GRIK2: variants seen among roughly 807,000 people sequenced by gnomAD.
GRIK2 encodes glutamate ionotropic receptor kainate type subunit 2.
In GRIK2, 32 loss-of-function variants were observed where a neutral mutation model predicts 100.3. The ratio of observed to expected loss-of-function variants is 0.32; its 90% CI spans 0.24 to 0.43. The LOEUF (loss-of-function observed/expected upper bound fraction) is 0.43, where lower values mean the gene tolerates loss of function less well. Among genes scored for constraint, GRIK2 ranks in the 20% least tolerant of loss-of-function variants. The pLI is 1.00. For synonymous variants in GRIK2, 417 were observed against 389.4 expected (o/e 1.07, Z -0.83); for missense variants, 843 against 1,114.9 (o/e 0.76, Z 3.47).
At chr6:101,450,615 A>G (rs1241999698) in intron 2 of GRIK2, among the ~76,000 whole-genome samples, 1 of 151,682 alleles carries the variant, frequency 6.6e-6, no homozygotes. Flanking sequence ...TGAGTGTGGC[A>G]GTAACTACTC....
At chr6:101,413,052 C>T (rs1291528162) in intron 2 of GRIK2, among the ~76,000 whole-genome samples, 1 of 151,948 alleles carries the variant, frequency 6.6e-6, no homozygotes, top group African/African-American at 2.4e-5. Context: ...ATTTAAAATA[C>T]AAAACTAGGA....
intron 4 of GRIK2, among the ~76,000 whole-genome samples, chr6:101,634,114 G>A (rs1780895623): frequency 6.6e-6 from 1 of 152,056 alleles, no homozygotes; most frequent in African/African-American, 2.4e-5. Flanking sequence ...GATATGGAGA[G>A]CAATAGGGCA....
chr6:102,057,732 A>T (rs1771533732), intron 16 of GRIK2, among the ~76,000 whole-genome samples: 1 of 151,826 alleles, frequency 6.6e-6, no homozygotes, highest in African/African-American at 2.4e-5. Flanking sequence ...CTGTAGCTTT[A>T]TCTTTTGCTC....
chr6:101,947,174 G>A (rs1791332331), intron 14 of GRIK2, among the ~76,000 whole-genome samples: 2 of 152,140 alleles, frequency 1.3e-5, no homozygotes, highest in Non-Finnish European at 2.9e-5. Context: ...GAATGAAATT[G>A]TCTTGATCAC....
At chr6:101,830,405 C>G (rs1174296844) in intron 10 of GRIK2, among the ~76,000 whole-genome samples, 1 of 151,674 alleles carries the variant, frequency 6.6e-6, no homozygotes, top group East Asian at 1.9e-4. Context: ...GCAGCAAAAC[C>G]AAAAATTGAC....
At chr6:101,599,675 T>G (rs1212263475) in intron 2 of GRIK2, among the ~76,000 whole-genome samples, 1 of 151,886 alleles carries the variant, frequency 6.6e-6, no homozygotes, top group Non-Finnish European at 1.5e-5. Flanking sequence ...TTGAGCTTTT[T>G]TTCATATGCT....
intron 7 of GRIK2, among the ~76,000 whole-genome samples, chr6:101,716,513 T>C (rs1275897371): frequency 2.0e-5 from 3 of 149,152 alleles, no homozygotes; most frequent in African/African-American, 7.4e-5. Context: ...TAGTTTCTTA[T>C]GGACTCCACT....
chr6:101,652,030 T>C (rs1404419791), intron 4 of GRIK2, among the ~76,000 whole-genome samples: 1 of 152,136 alleles, frequency 6.6e-6, no homozygotes, highest in Non-Finnish European at 1.5e-5. Context: ...GTCATGTAAA[T>C]GAAGGCTGAA....
At position 102,036,882 on chromosome 6, in the gene GRIK2, A is replaced by G. The variant is rs1770300136; in HGVS notation, c.2311+1316A>G. Among the ~76,000 whole-genome samples, 4 of 151,342 alleles carry G rather than the reference A, an allele frequency of 2.6e-5. No homozygotes were observed. The South Asian group carries it at 8.3e-4, about 31-fold the overall frequency. ...TTAATTACATCAATGTACTTTTTGA[A>G]AGAAAAGGGAAAACATATTCATGAT... is the stretch of plus-strand genomic sequence containing the variant. On this transcript the variant is annotated intron_variant, in intron 15 of 16. Transcript: ENST00000369134.
At chr6:101,853,232 C>T (rs1184312242) in intron 10 of GRIK2, among the ~76,000 whole-genome samples, 1 of 152,098 alleles carries the variant, frequency 6.6e-6, no homozygotes, top group Non-Finnish European at 1.5e-5. Context: ...TGTTCTTTAC[C>T]TCTTCTTAGC....
rs751369929 is a variant in GRIK2, at chr6:101,990,947, A to G, written c.2086-44394A>G. Among the ~76,000 whole-genome samples the G allele has an allele frequency of 3.3e-5, 5 of 152,068 alleles. No individual in the cohort carries two copies. In the South Asian group the frequency reaches 8.3e-4, roughly 25 times the overall value. On this transcript the variant is annotated intron_variant, in intron 14 of 16. Coordinates refer to ENST00000369134, the MANE Select transcript of GRIK2 (RefSeq NM_021956.5). Reference sequence around the variant, plus strand: ...GCATACTAAATGCCTTATTACAAGTAAATAATAAATTACATCAATAAATAT... The same window carrying G: ...GCATACTAAATGCCTTATTACAAGTGAATAATAAATTACATCAATAAATAT...
intron 2 of GRIK2, among the ~76,000 whole-genome samples, chr6:101,453,366 T>C (rs994950754): frequency 3.9e-5 from 6 of 151,954 alleles, no homozygotes; most frequent in Non-Finnish European, 5.9e-5. Context: ...TTAAATGAGT[T>C]TGGAATTGCC....
chr6:101,927,920 A>G (rs1582553532), intron 13 of GRIK2: 1 of 157,496 alleles, frequency 6.3e-6, no homozygotes, highest in Admixed American at 6.1e-5. Context: ...TTTTATTATT[A>G]TACGTAACTT....
chr6:101,999,141 G>A (rs759887812), intron 14 of GRIK2, among the ~76,000 whole-genome samples: 3 of 151,812 alleles, frequency 2.0e-5, no homozygotes, highest in Non-Finnish European at 4.4e-5. Flanking sequence ...GTTGACTGTA[G>A]GTTTGTAATA....
intron 2 of GRIK2, among the ~76,000 whole-genome samples, chr6:101,557,494 A>G (rs902676350): frequency 1.3e-5 from 2 of 152,148 alleles, no homozygotes; most frequent in African/African-American, 4.8e-5. Flanking sequence ...TTGCTACTTA[A>G]CCACAGAACT....
chr6:102,051,847 AG>A (rs1771216228), intron 15 of GRIK2, among the ~76,000 whole-genome samples: 1 of 152,178 alleles, frequency 6.6e-6, no homozygotes, highest in South Asian at 2.1e-4. Flanking sequence ...TTCTAATTAA[AG>A]TTAGAGGCCC....
chr6:101,723,695 G>A (rs1394039767), intron 7 of GRIK2, among the ~76,000 whole-genome samples: 1 of 151,904 alleles, frequency 6.6e-6, no homozygotes, highest in African/African-American at 2.4e-5. Flanking sequence ...AGTAAGTGAA[G>A]TCTAATAAAA....
At chr6:101,418,270 A>T (rs1776245265) in intron 2 of GRIK2, among the ~76,000 whole-genome samples, 1 of 152,222 alleles carries the variant, frequency 6.6e-6, no homozygotes, top group Non-Finnish European at 1.5e-5. Context: ...CCATTTAAAC[A>T]TAATCCTAGA....
chr6:101,409,102 T>TTG (rs1363549604), intron 2 of GRIK2, among the ~76,000 whole-genome samples: 1 of 133,658 alleles, frequency 7.5e-6, no homozygotes, highest in African/African-American at 2.9e-5. Flanking sequence ...ACCTGAAACA[T>TTG]TGTGTATGTG....
Sources: allele counts gnomAD v4.1 joint callset (sites outside exome capture counted in the v4.1 genomes callset), GRCh38; gene constraint gnomAD v4.1.1; transcripts MANE v1.5; gene names NCBI Gene and HGNC (gene_info 2026-07-23, HGNC 2026-07-21).